The following ELAPOR2 variants were observed in gnomAD, a reference collection of about 807,000 sequenced individuals.
The protein encoded by ELAPOR2 is endosome-lysosome associated apoptosis and autophagy regulator family member 2, also known as endosome/lysosome-associated apoptosis and autophagy regulator family member 2.
In ELAPOR2, 89 loss-of-function variants were observed where a neutral mutation model predicts 120.7. That is an observed-to-expected ratio of 0.74 (90% confidence interval 0.62 to 0.88). ELAPOR2 has a LOEUF of 0.88. Among genes scored for constraint, ELAPOR2 ranks in the 40% least tolerant of loss-of-function variants. The probability of loss-of-function intolerance (pLI) is 0.00; values close to 1 mark genes in which losing one functional copy is unlikely to be tolerated. For synonymous variants in ELAPOR2, 444 were observed against 444.9 expected, an observed-to-expected ratio of 1.00 and a Z score of 0.03; for missense variants, 1,134 against 1,251.6, an observed-to-expected ratio of 0.91 and a Z score of 1.42.
chr7:86,905,926 C>A (rs1788990268), intron 18 of ELAPOR2, among the ~76,000 whole-genome samples: 1 of 152,202 alleles, frequency 6.6e-6, no homozygotes, highest in Non-Finnish European at 1.5e-5. Context: ...TCAGTTTCTA[C>A]ATGCCATCGC....
At chr7:86,991,402 T>C (rs6975619) in intron 1 of ELAPOR2, among the ~76,000 whole-genome samples, 57,323 of 151,750 alleles carry the variant, frequency 0.38, 11,629 homozygotes, top group African/African-American at 0.53. Flanking sequence ...TCATCTAGTA[T>C]ACAACATTGT....
intron 18 of ELAPOR2, 71 bp from the exon 19 acceptor site, chr7:86,897,703 C>T: frequency 6.5e-7 from 1 of 1,544,952 alleles, no homozygotes. Flanking sequence ...CTCTAATCAA[C>T]ACCAGAATAC....
intron 4 of ELAPOR2, among the ~76,000 whole-genome samples, chr7:86,943,657 C>A (rs976207913): frequency 3.9e-5 from 6 of 151,992 alleles, no homozygotes; most frequent in Admixed American, 1.3e-4. Context: ...CAATACAAAT[C>A]TAAACACTTA....
At chr7:87,036,193 G>A (rs554984822) in intron 1 of ELAPOR2, among the ~76,000 whole-genome samples, 2 of 152,262 alleles carry the variant, frequency 1.3e-5, no homozygotes, top group Admixed American at 6.5e-5. Flanking sequence ...CTCACTGTAG[G>A]CCAAGCATGG....
At chr7:87,016,553 C>A (rs1185127426) in intron 1 of ELAPOR2, among the ~76,000 whole-genome samples, 2 of 151,488 alleles carry the variant, frequency 1.3e-5, no homozygotes, top group Admixed American at 6.6e-5. Context: ...AAGAGCAATG[C>A]CCCAAAAATT....
At chr7:87,048,843 C>T (rs886220065) in intron 1 of ELAPOR2, among the ~76,000 whole-genome samples, 1 of 152,164 alleles carries the variant, frequency 6.6e-6, no homozygotes, top group Non-Finnish European at 1.5e-5. Context: ...TAGTAATGAT[C>T]GTAACAGTTT....
intron 21 of ELAPOR2, among the ~76,000 whole-genome samples, chr7:86,887,837 T>C (rs1004423640): frequency 5.9e-5 from 9 of 152,090 alleles, no homozygotes; most frequent in Admixed American, 4.6e-4. Flanking sequence ...CATCTCCTTT[T>C]GGCCACTTCA....
chr7:86,891,539 G>A (rs1310533452), intron 21 of ELAPOR2, 185 bp downstream of exon 21: 2 of 486,316 alleles, frequency 4.1e-6, no homozygotes, highest in East Asian at 3.3e-5. Flanking sequence ...GACAACCAAC[G>A]AAAACAATGC....
Position 86,925,610 on chromosome 7 carries a change from T to C in ELAPOR2, c.1317A>G (p.Glu439=), listed in dbSNP as rs1340303485. The change falls in exon 10 of 22, where the codon GAA becomes GAG. Residue 439 remains glutamate, a synonymous_variant. Coordinates refer to ENST00000450689, the MANE Select transcript of ELAPOR2 (RefSeq NM_001142749.3). ...PAGTEPALGF[E]YKWWNVLPGN... is the part of the protein sequence containing the mutation. ...CAGGAAGGACATTCCACCATTTATA[T>C]TCAAAGCCAAGTGCAGGCTCCGTTC... The C allele has an allele frequency of 1.2e-6, 2 of 1,612,166 alleles. No homozygotes were observed. The highest frequency in any genetic ancestry group is 1.7e-6 in the Non-Finnish European group (2 of 1,178,680).
At chr7:86,971,240 C>T (rs1766084317) in intron 1 of ELAPOR2, among the ~76,000 whole-genome samples, 1 of 152,144 alleles carries the variant, frequency 6.6e-6, no homozygotes, top group South Asian at 2.1e-4. Flanking sequence ...AAAGAAAAAG[C>T]TATGCTTCAC....
chr7:87,058,900 CAG>C (rs1491564464), intron 1 of ELAPOR2, among the ~76,000 whole-genome samples: 1 of 151,940 alleles, frequency 6.6e-6, no homozygotes, highest in African/African-American at 2.4e-5. Flanking sequence ...GGAGTGGAGA[CAG>C]GGGGAGGAGG....
At chr7:86,970,224 C>T (rs192192204) in intron 1 of ELAPOR2, among the ~76,000 whole-genome samples, 3 of 152,238 alleles carry the variant, frequency 2.0e-5, no homozygotes, top group African/African-American at 7.2e-5. Context: ...ACCACAAATT[C>T]TAGTACAGAA....
intron 2 of ELAPOR2, among the ~76,000 whole-genome samples, chr7:86,964,146 A>C (rs1303276111): frequency 2.0e-5 from 3 of 152,308 alleles, no homozygotes; most frequent in African/African-American, 7.2e-5. Context: ...CACTTGGAAG[A>C]CTGCAGGAAA....
chr7:86,905,149 GAAGAGAGA>G (rs1361935441), intron 18 of ELAPOR2, among the ~76,000 whole-genome samples: 25 of 143,886 alleles, frequency 1.7e-4, no homozygotes, highest in Non-Finnish European at 3.4e-4. Flanking sequence ...AGAAAAGAAA[GAAGAGAGA>G]AAGAGAGAAA....
chr7:86,910,087 C>T (rs1298402806), intron 15 of ELAPOR2, 86 bp from the exon 16 acceptor site: 1 of 981,132 alleles, frequency 1.0e-6, no homozygotes, highest in Non-Finnish European at 1.5e-6. Context: ...CCTAGAAGAG[C>T]AGTGGCTCTC....
intron 9 of ELAPOR2, among the ~76,000 whole-genome samples, chr7:86,925,918 A>T (rs754112489): frequency 3.9e-5 from 6 of 152,016 alleles, no homozygotes; most frequent in Non-Finnish European, 8.8e-5. Flanking sequence ...TTTAAAAATA[A>T]TTTTTTCCTT....
At chr7:86,946,347 A>C (rs1361732312) in intron 3 of ELAPOR2, among the ~76,000 whole-genome samples, 1 of 152,222 alleles carries the variant, frequency 6.6e-6, no homozygotes, top group African/African-American at 2.4e-5. Context: ...TAGAAAGTTC[A>C]ACATACATCT....
intron 18 of ELAPOR2, among the ~76,000 whole-genome samples, chr7:86,899,152 C>T (rs1788595253): frequency 6.6e-6 from 1 of 152,118 alleles, no homozygotes; most frequent in Non-Finnish European, 1.5e-5. Context: ...ACTCTTCTTT[C>T]TAGCGGGTGT....
chr7:86,952,047 C>T (rs1372577213), intron 2 of ELAPOR2, among the ~76,000 whole-genome samples: 1 of 152,162 alleles, frequency 6.6e-6, no homozygotes, highest in Admixed American at 6.6e-5. Flanking sequence ...ACCAAAAGGA[C>T]ACTTGTTTAC....
Sources: gnomAD v4.1 joint callset for allele counts (sites outside exome capture counted in the v4.1 genomes callset) on GRCh38, gnomAD v4.1.1 for gene constraint, MANE v1.5 for transcripts, NCBI Gene and HGNC (gene_info 2026-07-23, HGNC 2026-07-21) for gene names.